ATG7: variants seen among roughly 807,000 people sequenced by gnomAD.
ATG7 encodes the protein autophagy related 7.
In ATG7, 70 loss-of-function variants were observed where a neutral mutation model predicts 82.4. That is an observed-to-expected ratio of 0.85 (90% CI 0.70 to 1.04). ATG7 has a LOEUF of 1.04. Among genes scored for constraint, ATG7 ranks in the 50% least tolerant of loss-of-function variants. ATG7 has a pLI of 0.00. For missense variants in ATG7, 792 were observed against 864.3 expected, an observed-to-expected ratio of 0.92 and a Z score of 1.05; for synonymous variants, 287 against 313.0, an observed-to-expected ratio of 0.92 and a Z score of 0.88.
chr3:11,539,731 C>G lies in ATG7; in HGVS notation c.2080-15080C>G, dbSNP rs149799059. 1.8e-3 allele frequency among the ~76,000 whole-genome samples: 276 copies of G among 152,350 alleles called. 4 individuals are homozygous for G. The highest frequency in any genetic ancestry group is 0.016 in the Admixed American group (245 of 15,310). On this transcript the variant is annotated intron_variant, in intron 20 of 20. Transcript: ENST00000693202. Reference sequence around the variant, plus strand: ...CTCTTATGAATTTAAAAAATAAAATCTATTGATGCGCATACAATCAAATAT... The same window carrying G: ...CTCTTATGAATTTAAAAAATAAAATGTATTGATGCGCATACAATCAAATAT...
chr3:11,479,599 G>C (rs1218682283), intron 20 of ATG7, among the ~76,000 whole-genome samples: 1 of 152,074 alleles, frequency 6.6e-6, no homozygotes, highest in Non-Finnish European at 1.5e-5. Context: ...CCAAAGTAAG[G>C]CATGTTTTCT....
chr3:11,547,271 A>G (rs567848677), intron 20 of ATG7, among the ~76,000 whole-genome samples: 3 of 152,276 alleles, frequency 2.0e-5, no homozygotes, highest in African/African-American at 7.2e-5. Flanking sequence ...TCAGTCCCCT[A>G]CTTTGTAAAA....
chr3:11,459,299 G>T (rs2086077857), intron 20 of ATG7, among the ~76,000 whole-genome samples: 1 of 151,986 alleles, frequency 6.6e-6, no homozygotes, highest in Non-Finnish European at 1.5e-5. Flanking sequence ...GCTATGGTAT[G>T]TGTAATACAT....
At chr3:11,283,374 G>C (rs1282225207) in intron 3 of ATG7, among the ~76,000 whole-genome samples, 1 of 152,150 alleles carries the variant, frequency 6.6e-6, no homozygotes, top group Non-Finnish European at 1.5e-5. Flanking sequence ...TTTATTGACT[G>C]CTTGCTGTAT....
chr3:11,463,364 CAAT>C (rs1358169953), intron 20 of ATG7, among the ~76,000 whole-genome samples: 3 of 152,220 alleles, frequency 2.0e-5, no homozygotes, highest in Non-Finnish European at 4.4e-5. Flanking sequence ...CAGTGATCCT[CAAT>C]AATCAGATAC....
intron 19 of ATG7, among the ~76,000 whole-genome samples, chr3:11,420,186 A>G (rs2152930644): frequency 6.6e-6 from 1 of 152,336 alleles, no homozygotes; most frequent in Middle Eastern, 3.4e-3. Flanking sequence ...AGCCACTTAT[A>G]ACACAGATTA....
chr3:11,558,795 G>A, downstream of ATG7: 2 of 1,613,696 alleles, frequency 1.2e-6, no homozygotes, highest in Non-Finnish European at 1.7e-6. Flanking sequence ...CTGCGGAAAT[G>A]CTCCTCCACC....
At chr3:11,420,095 C>CT (rs1371861064) in intron 19 of ATG7, among the ~76,000 whole-genome samples, 1 of 152,044 alleles carries the variant, frequency 6.6e-6, no homozygotes, top group Admixed American at 6.5e-5. Flanking sequence ...ATTTTCTTTT[C>CT]TTTTTTGGGT....
intron 19 of ATG7, among the ~76,000 whole-genome samples, chr3:11,416,269 T>C (rs1240188834): frequency 6.6e-6 from 1 of 152,228 alleles, no homozygotes; most frequent in Non-Finnish European, 1.5e-5. Flanking sequence ...AAAGAGATTG[T>C]AGATGATTGG....
intron 3 of ATG7, among the ~76,000 whole-genome samples, chr3:11,294,695 C>T (rs1945568805): frequency 6.6e-6 from 1 of 152,230 alleles, no homozygotes. Context: ...ACCAAACCTA[C>T]AGCAGCATCA....
At position 11,340,646 on chromosome 3, in the gene ATG7, T is replaced by A; in HGVS notation, c.891T>A (p.Asp297Glu). 2 of 1,613,058 alleles carry A rather than the reference T, an allele frequency of 1.2e-6. No individual in the cohort carries two copies. Among genetic ancestry groups the A allele is most frequent in the South Asian group, 2.2e-5 (2 of 90,984 alleles). Residue 297 changes from aspartate to glutamate, a missense_variant and splice_region_variant, in exon 12 of 21, where the codon GAT (aspartate) becomes GAA (glutamate). Physicochemically the swap from Asp to Glu is conservative, Grantham distance 45. Coordinates refer to ENST00000693202, the MANE Select transcript of ATG7 (RefSeq NM_001349232.2). ...ACTTTGTGTTTTATTTGCCTTAAGA[T>A]TGTCCTAAAGCAGTTGGATGGGAAA... The part of the protein sequence containing the change: ...VKLPEMAFSP[D>E]CPKAVGWEKN...
At chr3:11,279,642 G>A (rs1456661519) in intron 1 of ATG7, among the ~76,000 whole-genome samples, 1 of 152,042 alleles carries the variant, frequency 6.6e-6, no homozygotes, top group African/African-American at 2.4e-5. Flanking sequence ...CCGAAATTGA[G>A]CCACCTCCCT....
rs1946397134 is a variant in ATG7, at chr3:11,299,149, A to T, written c.161-213A>T. 3 of 603,930 alleles carry T rather than the reference A, an allele frequency of 5.0e-6. No homozygotes were observed. The South Asian group carries it at 6.7e-5, about 14-fold the overall frequency. 37.4% of individuals were successfully genotyped at this position (603,930 alleles called of 1,614,324 possible). A position where few individuals can be genotyped will look rare whatever the true frequency, so the allele number is the denominator to read the frequency against. On this transcript the variant is annotated intron_variant, in intron 4 of 20. Transcript: ENST00000693202. ...ATATTTTTTCCATTGAATCTTTTTT[A>T]TATTCTTGGCGAATGTCTCATATTC... is the stretch of plus-strand genomic sequence containing the variant.
the ATG7 span, among the ~76,000 whole-genome samples, chr3:11,574,643 T>C: frequency 1.3e-5 from 2 of 152,084 alleles, no homozygotes. Flanking sequence ...ACAACATCCA[T>C]ATATTGGATG....
At chr3:11,437,193 T>C (rs1230987822) in intron 20 of ATG7, among the ~76,000 whole-genome samples, 1 of 152,226 alleles carries the variant, frequency 6.6e-6, no homozygotes, top group Non-Finnish European at 1.5e-5. Flanking sequence ...TGACAGGCTG[T>C]CGTAGGATGT....
At chr3:11,368,520 A>C (rs539913126) in intron 18 of ATG7, among the ~76,000 whole-genome samples, 2 of 152,258 alleles carry the variant, frequency 1.3e-5, no homozygotes, top group African/African-American at 4.8e-5. Context: ...GGCTAGGCAC[A>C]GTGGCTCACC....
At chr3:11,564,658 T>A in the ATG7 span, 4 of 826,702 alleles carry the variant, frequency 4.8e-6, no homozygotes, top group African/African-American at 2.2e-5. Flanking sequence ...AGGCGAAGGG[T>A]GGCATCCCTC....
intron 20 of ATG7, among the ~76,000 whole-genome samples, chr3:11,537,174 C>A (rs764572460): frequency 6.6e-6 from 1 of 152,188 alleles, no homozygotes; most frequent in Non-Finnish European, 1.5e-5. Flanking sequence ...GCCCTCCCTC[C>A]ACTCCTGGAC....
intron 9 of ATG7, among the ~76,000 whole-genome samples, chr3:11,317,560 G>A (rs1344614456): frequency 1.3e-5 from 2 of 150,298 alleles, no homozygotes; most frequent in African/African-American, 4.9e-5. Flanking sequence ...GTCTGATTCC[G>A]AAGCCTATGC....
Sources: allele counts gnomAD v4.1 joint callset (sites outside exome capture counted in the v4.1 genomes callset), GRCh38; gene constraint gnomAD v4.1.1; transcripts MANE v1.5; gene names NCBI Gene and HGNC (gene_info 2026-07-23, HGNC 2026-07-21).